PLOD2: variants seen among roughly 807,000 people sequenced by gnomAD.
PLOD2 encodes procollagen-lysine,2-oxoglutarate 5-dioxygenase 2, also known as lysine hydroxylase 2.
Under a neutral mutation model 101.0 loss-of-function variants are expected in PLOD2, and 65 were observed. The observed-to-expected ratio is 0.64, with a 90% CI of 0.53 to 0.79. PLOD2 has a LOEUF of 0.79. Among genes scored for constraint, PLOD2 ranks in the 30% least tolerant of loss-of-function variants. The pLI is 0.00. For missense variants in PLOD2, 909 were observed against 914.6 expected (o/e 0.99, Z 0.08); for synonymous variants, 314 against 302.9 (o/e 1.04, Z -0.38).
intron 9 of PLOD2, among the ~76,000 whole-genome samples, chr3:146,087,542 A>AT (rs1936823792): frequency 6.6e-6 from 1 of 151,938 alleles, no homozygotes. Context: ...TTCAGGTAAG[A>AT]TTATCTGTCT....
chr3:146,153,594 C>T (rs2032165060), intron 1 of PLOD2, among the ~76,000 whole-genome samples: 1 of 152,088 alleles, frequency 6.6e-6, no homozygotes, highest in Non-Finnish European at 1.5e-5. Context: ...TTTTCTTCTC[C>T]CAGGCCAGAT....
At chr3:146,122,717 GA>G (rs1213579168) in intron 2 of PLOD2, among the ~76,000 whole-genome samples, 1 of 152,114 alleles carries the variant, frequency 6.6e-6, no homozygotes, top group East Asian at 1.9e-4. Context: ...TGGGGTCCAA[GA>G]TCTGATATTA....
At chr3:146,158,039 G>T (rs946409079) in intron 1 of PLOD2, among the ~76,000 whole-genome samples, 4 of 152,130 alleles carry the variant, frequency 2.6e-5, no homozygotes, top group Non-Finnish European at 5.9e-5. Context: ...CCCAAAACTT[G>T]GTTTCTGCCC....
In PLOD2 at chr3:146,079,127, C is replaced by A. The variant is rs1484263870; in HGVS notation, c.1489G>T (p.Ala497Ser). ...ACTGCATATCTTACCATTTCTCTAG[C>A]ATTTCGGCAAAGAGCCATATCAGGA... ...LDPDMALCRNAREMTLQREKD... is the reference protein window; with the variant it reads ...LDPDMALCRNSREMTLQREKD... The change falls in exon 13 of 20, where the codon GCT becomes TCT. Residue 497 changes from alanine to serine, a missense_variant. Coordinates refer to ENST00000282903, the MANE Select transcript of PLOD2 (RefSeq NM_182943.3). 3 of 1,612,610 alleles carry A rather than the reference C, an allele frequency of 1.9e-6. No homozygotes were observed. The highest frequency in any genetic ancestry group is 2.5e-6 in the Non-Finnish European group (3 of 1,178,952).
At chr3:146,091,177 T>A (rs1384340300) in intron 8 of PLOD2, among the ~76,000 whole-genome samples, 1 of 151,644 alleles carries the variant, frequency 6.6e-6, no homozygotes, top group African/African-American at 2.4e-5. Flanking sequence ...ATCACACAGG[T>A]AAAAATGCAC....
intron 7 of PLOD2, among the ~76,000 whole-genome samples, chr3:146,097,164 CGGGA>C (rs1937219571): frequency 6.7e-6 from 1 of 148,558 alleles, no homozygotes; most frequent in Non-Finnish European, 1.5e-5. Context: ...CCGCCCAGTC[CGGGA>C]GGGAGGTGGG....
At chr3:146,075,505 A>AGAAG (rs1553728757) in intron 15 of PLOD2, among the ~76,000 whole-genome samples, 6 of 150,316 alleles carry the variant, frequency 4.0e-5, no homozygotes, top group Non-Finnish European at 7.4e-5. Flanking sequence ...AAAAAAAAAA[A>AGAAG]AAGAAGAAGA....
intron 3 of PLOD2, among the ~76,000 whole-genome samples, chr3:146,120,300 T>A (rs902835453): frequency 1.3e-5 from 2 of 152,320 alleles, no homozygotes; most frequent in Middle Eastern, 6.8e-3. Flanking sequence ...ATTTGTTTTT[T>A]TCTTGTAAAT....
At chr3:146,092,286 A>ATTT (rs1937001885) in intron 7 of PLOD2, among the ~76,000 whole-genome samples, 1 of 152,096 alleles carries the variant, frequency 6.6e-6, no homozygotes, top group South Asian at 2.1e-4. Flanking sequence ...TAGTAATAAG[A>ATTT]TAAACCTGTT....
At chr3:146,125,296 C>A (rs535890539) in intron 1 of PLOD2, among the ~76,000 whole-genome samples, 166 of 151,954 alleles carry the variant, frequency 1.1e-3, no homozygotes, top group African/African-American at 3.8e-3. Context: ...GCAGATGAAC[C>A]AATGTATCTA....
At chr3:146,072,530 T>C in intron 17 of PLOD2, 31 bp downstream of exon 17, 1 of 1,324,882 alleles carries the variant, frequency 7.5e-7, no homozygotes, top group Non-Finnish European at 1.1e-6. Flanking sequence ...CCCACATACA[T>C]TTTAGTTCTT....
In PLOD2 at chr3:146,161,071, G is replaced by T; in HGVS notation, c.-82C>A. On this transcript the variant is annotated 5_prime_UTR_variant, in exon 1 of 20. Transcript: ENST00000282903. ...TTCTCGCGAGAACGCAGAGACCCGG[G>T]TCCGCCCTGAGCCGCCGATTGCGGG... The T allele has an allele frequency of 9.5e-7, 1 of 1,049,378 alleles. No individual in the cohort carries two copies. Among genetic ancestry groups the T allele is most frequent in the Non-Finnish European group, 1.4e-6 (1 of 708,536 alleles). 65.0% of individuals were successfully genotyped at this position (1,049,378 alleles called of 1,614,324 possible).
At chr3:146,097,046 A>G in intron 7 of PLOD2, among the ~76,000 whole-genome samples, 1 of 136,228 alleles carries the variant, frequency 7.3e-6, no homozygotes, top group African/African-American at 2.8e-5. Flanking sequence ...CCGGGAGGTG[A>G]GGGGCTCCTC....
intron 1 of PLOD2, among the ~76,000 whole-genome samples, chr3:146,145,306 T>C (rs1207902169): frequency 6.6e-6 from 1 of 152,212 alleles, no homozygotes; most frequent in Non-Finnish European, 1.5e-5. Flanking sequence ...TAGATAGGCA[T>C]GTATTAATCT....
intron 1 of PLOD2, among the ~76,000 whole-genome samples, chr3:146,142,455 CT>C (rs1379979158): frequency 6.6e-6 from 1 of 151,960 alleles, no homozygotes; most frequent in Non-Finnish European, 1.5e-5. Flanking sequence ...CTTTTTCTTC[CT>C]TTACCTATTT....
At chr3:146,142,074 T>C (rs1449254081) in intron 1 of PLOD2, among the ~76,000 whole-genome samples, 2 of 152,096 alleles carry the variant, frequency 1.3e-5, no homozygotes, top group Non-Finnish European at 2.9e-5. Context: ...ACATCTACTG[T>C]ATGTAACCAA....
intron 1 of PLOD2, among the ~76,000 whole-genome samples, chr3:146,148,338 G>GCACACACACACACACACACA (rs71158220): frequency 1.8e-4 from 27 of 146,546 alleles, no homozygotes; most frequent in Non-Finnish European, 3.0e-4. Context: ...AGGCAGGCAC[G>GCACACACACACACACACACA]CACACACACA....
At chr3:146,157,598 T>C (rs2032362353) in intron 1 of PLOD2, among the ~76,000 whole-genome samples, 1 of 152,226 alleles carries the variant, frequency 6.6e-6, no homozygotes, top group Non-Finnish European at 1.5e-5. Flanking sequence ...CAACGGTCAA[T>C]TCCCATCCTG....
At chr3:146,139,984 G>A (rs942325006) in intron 1 of PLOD2, among the ~76,000 whole-genome samples, 1 of 152,014 alleles carries the variant, frequency 6.6e-6, no homozygotes, top group African/African-American at 2.4e-5. Context: ...GGTTCTTCAA[G>A]ACTGCTCCAC....
Sources: gnomAD v4.1 joint callset for allele counts (sites outside exome capture counted in the v4.1 genomes callset) on GRCh38, gnomAD v4.1.1 for gene constraint, MANE v1.5 for transcripts, NCBI Gene and HGNC (gene_info 2026-07-23, HGNC 2026-07-21) for gene names.